FAM193A: variants seen among roughly 807,000 people sequenced by gnomAD.
The protein encoded by FAM193A is protein FAM193A.
Under a neutral mutation model 126.5 loss-of-function variants are expected in FAM193A, and 22 were observed. That is an observed-to-expected ratio of 0.17 (90% CI 0.12 to 0.25). FAM193A has a LOEUF of 0.25. Ranked by LOEUF, FAM193A falls within the 10% of genes least tolerant of loss-of-function variation. The pLI is 1.00. For missense variants in FAM193A, 1,675 were observed against 1,672.8 expected (o/e 1.00, Z -0.02); for synonymous variants, 761 against 646.8 (o/e 1.18, Z -2.68).
At chr4:2,682,870 A>G (rs1412198853) in intron 13 of FAM193A, among the ~76,000 whole-genome samples, 1 of 152,198 alleles carries the variant, frequency 6.6e-6, no homozygotes, top group Non-Finnish European at 1.5e-5. Flanking sequence ...GATTACTTTC[A>G]ACAGTTATCT....
chr4:2,714,945 C>G (rs1300423454), intron 19 of FAM193A, among the ~76,000 whole-genome samples: 1 of 152,118 alleles, frequency 6.6e-6, no homozygotes, highest in East Asian at 1.9e-4. Flanking sequence ...GCTGCTGGAC[C>G]CTCTTTGATA....
intron 1 of FAM193A, among the ~76,000 whole-genome samples, chr4:2,566,694 A>G (rs1738979555): frequency 6.6e-6 from 1 of 152,086 alleles, no homozygotes; most frequent in Admixed American, 6.6e-5. Context: ...TCTCAAAAAA[A>G]GAAAATGGAT....
At chr4:2,612,330 T>C (rs1449461228) in intron 2 of FAM193A, among the ~76,000 whole-genome samples, 2 of 151,704 alleles carry the variant, frequency 1.3e-5, no homozygotes, top group African/African-American at 4.8e-5. Flanking sequence ...AGTAACCCTG[T>C]CTTTACTAAA....
At position 2,647,096 on chromosome 4, in the gene FAM193A, CCTG is replaced by C. The variant is rs1004483774; in HGVS notation, c.1311+268_1311+270del. ...TCAAGTTTTCCTTGGCCTGGGCACA[CCTG>C]CTGTCACTCACACGGGCTGTCACCA... On this transcript the variant is annotated intron_variant, in intron 7 of 20. Coordinates refer to ENST00000637812, the MANE Select transcript of FAM193A (RefSeq NM_001366318.2). Among the ~76,000 whole-genome samples, 31 of 152,316 alleles carry C rather than the reference CCTG, an allele frequency of 2.0e-4. 1 individual carries two copies. The highest frequency in any genetic ancestry group is 3.4e-3 in the Middle Eastern group (1 of 294).
At chr4:2,602,959 CTTTTTTTT>C (rs71178487) in intron 2 of FAM193A, among the ~76,000 whole-genome samples, 23 of 42,306 alleles carry the variant, frequency 5.4e-4, no homozygotes, top group African/African-American at 2.2e-3. Flanking sequence ...TGCACCCGGC[CTTTTTTTT>C]TTTTTTTTTT....
intron 1 of FAM193A, among the ~76,000 whole-genome samples, chr4:2,590,775 C>A (rs896550590): frequency 6.6e-6 from 1 of 151,934 alleles, no homozygotes; most frequent in African/African-American, 2.4e-5. Flanking sequence ...CACCTGTAAT[C>A]CCAGCATTGT....
intron 2 of FAM193A, among the ~76,000 whole-genome samples, chr4:2,620,572 G>C (rs1742477450): frequency 6.6e-6 from 1 of 151,354 alleles, no homozygotes; most frequent in Non-Finnish European, 1.5e-5. Flanking sequence ...CAAGTGGCAG[G>C]GTGTGTGGCT....
chr4:2,699,132 A>G (rs1249906360), intron 18 of FAM193A, among the ~76,000 whole-genome samples: 18 of 152,184 alleles, frequency 1.2e-4, no homozygotes, highest in Admixed American at 1.1e-3. Context: ...TCCTAGGATC[A>G]CAGGTGTGAG....
rs752601849 is a variant in FAM193A at position 2,670,968 on chromosome 4, ACTT to A, written c.2080-1147_2080-1145del. ...TATGTGGCTGTGGGTGTCTCAGCTT[ACTT>A]CTTCTCTTCTCCTTTTTAGTTTGGC... On this transcript the variant is annotated intron_variant, in intron 12 of 20. Coordinates refer to ENST00000637812, the MANE Select transcript of FAM193A (RefSeq NM_001366318.2). 5.9e-5 allele frequency among the ~76,000 whole-genome samples: 9 copies of A among 151,788 alleles called. No individual in the cohort carries two copies. In the South Asian group the frequency reaches 6.2e-4, roughly 11 times the overall value.
chr4:2,544,239 T>C (rs1370727202), intron 1 of FAM193A, among the ~76,000 whole-genome samples: 1 of 152,208 alleles, frequency 6.6e-6, no homozygotes, highest in Non-Finnish European at 1.5e-5. Flanking sequence ...TTTTTCTATG[T>C]GTACACCTAT....
rs559429172 is a variant in FAM193A, at chr4:2,620,715, G to C, written c.502-4547G>C. Among the ~76,000 whole-genome samples, 304 of 150,640 alleles carry C rather than the reference G, an allele frequency of 2.0e-3. 1 individual carries two copies. Among genetic ancestry groups the C allele is most frequent in the African/African-American group, 7.2e-3 (295 of 41,040 alleles). On this transcript the variant is annotated intron_variant, in intron 2 of 20. Transcript: ENST00000637812. ...AATACAAAAATTAGCCAGGGGTGGT[G>C]GTGGGCTCCCGTAATCCCAGCTACT...
At chr4:2,693,963 C>A in intron 16 of FAM193A, 89 bp downstream of exon 16, 1 of 1,357,368 alleles carries the variant, frequency 7.4e-7, no homozygotes, top group Non-Finnish European at 1.0e-6. Flanking sequence ...TCCCCTGGGA[C>A]CATGCAGTGG....
intron 12 of FAM193A, among the ~76,000 whole-genome samples, chr4:2,664,507 A>G (rs544309137): frequency 7.0e-6 from 1 of 143,176 alleles, no homozygotes; most frequent in Non-Finnish European, 1.5e-5. Context: ...GGAAAATGGG[A>G]TAGGGTCTTC....
intron 7 of FAM193A, among the ~76,000 whole-genome samples, chr4:2,649,162 C>G (rs868485046): frequency 4.6e-5 from 7 of 151,916 alleles, no homozygotes; most frequent in South Asian, 2.1e-4. Flanking sequence ...TCACTTGAGC[C>G]CAGGAGTTTG....
rs748211254 is a variant in FAM193A, at chr4:2,693,582, G to T, written c.2804-4G>T. 3 of 1,606,316 alleles carry T rather than the reference G, an allele frequency of 1.9e-6. No homozygotes were observed. The highest frequency in any genetic ancestry group is 8.5e-7 in the Non-Finnish European group (1 of 1,174,116). On this transcript the variant is annotated splice_polypyrimidine_tract_variant and splice_region_variant and intron_variant, in intron 15 of 20. Coordinates refer to ENST00000637812, the MANE Select transcript of FAM193A (RefSeq NM_001366318.2). ...GGCAGTGACTCTCGCCTCTCTAAAT[G>T]CAGGTGACGTGTTTCATGGCATCAG...
intron 2 of FAM193A, among the ~76,000 whole-genome samples, chr4:2,622,669 G>C (rs1016555650): frequency 1.3e-5 from 2 of 152,180 alleles, no homozygotes; most frequent in African/African-American, 4.8e-5. Flanking sequence ...TCAAGGTGCT[G>C]GCAGATTGGT....
At chr4:2,626,677 C>T in intron 4 of FAM193A, 100 bp downstream of exon 4, 1 of 615,826 alleles carries the variant, frequency 1.6e-6, no homozygotes, top group Non-Finnish European at 3.0e-6. Flanking sequence ...TTACAGTGCT[C>T]AGCTGGGTTT....
chr4:2,680,551 G>A (rs73207355), intron 13 of FAM193A, among the ~76,000 whole-genome samples: 7,615 of 152,006 alleles, frequency 0.05, 258 homozygotes, highest in Non-Finnish European at 0.077. Flanking sequence ...TACCCAGTCT[G>A]GACTGAAACT....
At chr4:2,675,701 T>C (rs1714321706) in intron 13 of FAM193A, among the ~76,000 whole-genome samples, 1 of 152,222 alleles carries the variant, frequency 6.6e-6, no homozygotes, top group African/African-American at 2.4e-5. Flanking sequence ...AATTCAGTGG[T>C]ATTAAATACG....
Sources: gnomAD v4.1 joint callset for allele counts (sites outside exome capture counted in the v4.1 genomes callset) on GRCh38, gnomAD v4.1.1 for gene constraint, MANE v1.5 for transcripts, NCBI Gene and HGNC (gene_info 2026-07-23, HGNC 2026-07-21) for gene names.